Variants in NT5DC3 observed in about 807,000 individuals in gnomAD.
NT5DC3 encodes the protein 5'-nucleotidase domain containing 3.
NT5DC3 carries 42 observed loss-of-function variants against 67.8 expected under a neutral mutation model. That is an observed-to-expected ratio of 0.62 (90% CI 0.48 to 0.80). NT5DC3 has a LOEUF of 0.80. NT5DC3 is among the 30% of genes least tolerant of loss of function. The pLI is 0.00. For synonymous variants in NT5DC3, 237 were observed against 255.6 expected (o/e 0.93, Z 0.69); for missense variants, 570 against 696.4 (o/e 0.82, Z 2.04).
the NT5DC3 span, chr12:103,757,888 G>C: frequency 2.3e-6 from 1 of 433,300 alleles, no homozygotes; most frequent in Non-Finnish European, 4.3e-6. Context: ...AGGATTTTGA[G>C]AAGACTCGAG....
At chr12:103,765,425 CTA>C in the NT5DC3 span, among the ~76,000 whole-genome samples, 12 of 152,350 alleles carry the variant, frequency 7.9e-5, no homozygotes, top group East Asian at 2.3e-3. Flanking sequence ...GCCTTTGACA[CTA>C]TTTTTAGTGA....
intron 4 of NT5DC3, among the ~76,000 whole-genome samples, chr12:103,801,926 C>T (rs1886602820): frequency 6.6e-6 from 1 of 152,188 alleles, no homozygotes; most frequent in Non-Finnish European, 1.5e-5. Flanking sequence ...TAGGCAGGCA[C>T]TGGAATCATG....
At chr12:103,761,671 A>G in the NT5DC3 span, among the ~76,000 whole-genome samples, 1 of 152,112 alleles carries the variant, frequency 6.6e-6, no homozygotes, top group East Asian at 1.9e-4. Flanking sequence ...CACCAAAGGA[A>G]GCGCTGGAAG....
chr12:103,810,203 G>A (rs1353237414), intron 2 of NT5DC3, among the ~76,000 whole-genome samples: 1 of 152,078 alleles, frequency 6.6e-6, no homozygotes, highest in South Asian at 2.1e-4. Flanking sequence ...TCTTCTAGTC[G>A]AACCATTTTG....
intron 1 of NT5DC3, among the ~76,000 whole-genome samples, chr12:103,834,098 T>C (rs1242022345): frequency 1.3e-5 from 2 of 151,938 alleles, no homozygotes; most frequent in Non-Finnish European, 2.9e-5. Context: ...GCAGCACCCC[T>C]CTCCCCTGGC....
chr12:103,756,985 G>A, the NT5DC3 span, among the ~76,000 whole-genome samples: 2 of 62,536 alleles, frequency 3.2e-5, no homozygotes, highest in Non-Finnish European at 6.3e-5. Context: ...CAGTAGCCCA[G>A]AAGGAGGGAA....
chr12:103,806,388 A>G lies in NT5DC3; in HGVS notation c.469-11T>C, dbSNP rs376272304. 6.3e-7 allele frequency: 1 copy of G among 1,575,818 alleles called. No individual in the cohort carries two copies. Among genetic ancestry groups the G allele is most frequent in the Non-Finnish European group, 8.7e-7 (1 of 1,145,252 alleles). ...CTTCATTAATACTGCCTTTAAAAACATAAACATATGCACATGTAAATAATG... is the reference window on the plus strand; with the variant it reads ...CTTCATTAATACTGCCTTTAAAAACGTAAACATATGCACATGTAAATAATG... On this transcript the variant is annotated splice_polypyrimidine_tract_variant and intron_variant, in intron 3 of 13. Transcript: ENST00000392876.
chr12:103,829,459 T>G (rs1466878256), intron 1 of NT5DC3, among the ~76,000 whole-genome samples: 1 of 152,252 alleles, frequency 6.6e-6, no homozygotes, highest in Non-Finnish European at 1.5e-5. Context: ...CTGGTTTTCT[T>G]TGGTTACCAT....
At chr12:103,829,610 A>G (rs527304294) in intron 1 of NT5DC3, among the ~76,000 whole-genome samples, 1 of 152,284 alleles carries the variant, frequency 6.6e-6, no homozygotes, top group South Asian at 2.1e-4. Context: ...TGAGTTTATC[A>G]TGATTATTAA....
rs1317949137 is a variant in NT5DC3 at position 103,806,364 on chromosome 12, T to G, written c.482A>C (p.Lys161Thr). 17 of 1,602,388 alleles carry G rather than the reference T, an allele frequency of 1.1e-5. No individual in the cohort carries two copies. The highest frequency in any genetic ancestry group is 1.5e-5 in the Non-Finnish European group (17 of 1,169,492). Residue 161 changes from lysine to threonine, a missense_variant, in exon 4 of 14, where the codon AAG becomes ACG. Physicochemically the swap from Lys to Thr is moderately conservative, Grantham distance 78. Transcript: ENST00000392876. ...HYDVQRAVLM[K>T]IDAFHYIQLG... The stretch of plus-strand genomic sequence containing the variant: ...CTGGATATAATGAAAAGCATCGATC[T>G]TCATTAATACTGCCTTTAAAAACAT...
chr12:103,803,834 T>C lies in NT5DC3; in HGVS notation c.524+2488A>G, dbSNP rs1308543580. 5.4e-5 allele frequency among the ~76,000 whole-genome samples: 8 copies of C among 149,030 alleles called. No homozygotes were observed. In the South Asian group the frequency reaches 1.5e-3, roughly 28 times the overall value. The stretch of plus-strand genomic sequence containing the variant: ...TGGAAAGATTATTTGTAATTGTCCA[T>C]ACTAAAATAGATTCATTCATTACCA... On this transcript the variant is annotated intron_variant, in intron 4 of 13. Coordinates refer to ENST00000392876, the MANE Select transcript of NT5DC3 (RefSeq NM_001031701.3).
At chr12:103,822,520 A>G (rs1887532522) in intron 1 of NT5DC3, among the ~76,000 whole-genome samples, 1 of 152,236 alleles carries the variant, frequency 6.6e-6, no homozygotes, top group African/African-American at 2.4e-5. Context: ...TTTCATTTAC[A>G]TGGTTTTCTA....
chr12:103,810,690 T>C (rs1221223967), intron 2 of NT5DC3, among the ~76,000 whole-genome samples: 2 of 152,186 alleles, frequency 1.3e-5, no homozygotes, highest in African/African-American at 4.8e-5. Flanking sequence ...AGTGTCCCCC[T>C]GAAAATGCTA....
At chr12:103,783,494 A>C (rs1284324137) in intron 12 of NT5DC3, among the ~76,000 whole-genome samples, 1 of 152,176 alleles carries the variant, frequency 6.6e-6, no homozygotes, top group Admixed American at 6.5e-5. Flanking sequence ...AATGAACTTA[A>C]AGGTCTCAGT....
intron 12 of NT5DC3, among the ~76,000 whole-genome samples, chr12:103,784,451 T>C (rs7973081): frequency 0.49 from 74,208 of 151,984 alleles, 19,134 homozygotes; most frequent in East Asian, 0.88. Context: ...GCTCAGCCAC[T>C]CCCAAGCAGA....
At chr12:103,836,086 C>A (rs1036557317) in intron 1 of NT5DC3, among the ~76,000 whole-genome samples, 1 of 152,124 alleles carries the variant, frequency 6.6e-6, no homozygotes, top group African/African-American at 2.4e-5. Flanking sequence ...ATTACCTCCC[C>A]CTGGGTCCCT....
the NT5DC3 span, chr12:103,761,209 C>A: frequency 8.3e-7 from 1 of 1,201,372 alleles, no homozygotes; most frequent in African/African-American, 1.5e-5. Context: ...AACATGGGCT[C>A]AGGGGCCTTG....
the NT5DC3 span, chr12:103,759,096 CT>C: frequency 6.2e-7 from 1 of 1,614,038 alleles, no homozygotes; most frequent in South Asian, 1.1e-5. Context: ...ATTGCTTGGC[CT>C]TTGAAGAGCA....
chr12:103,826,498 T>C (rs1887701220), intron 1 of NT5DC3, among the ~76,000 whole-genome samples: 1 of 152,170 alleles, frequency 6.6e-6, no homozygotes, highest in Non-Finnish European at 1.5e-5. Context: ...GCTTTGAAAA[T>C]GCAAGGGGCT....
Sources: allele counts gnomAD v4.1 joint callset (sites outside exome capture counted in the v4.1 genomes callset), GRCh38; gene constraint gnomAD v4.1.1; transcripts MANE v1.5; gene names NCBI Gene and HGNC (gene_info 2026-07-23, HGNC 2026-07-21).